The following R3HDM1 variants were observed in gnomAD, a reference collection of about 807,000 sequenced individuals.
The protein encoded by R3HDM1 is R3H domain-containing protein 1.
R3HDM1 carries 46 observed loss-of-function variants against 141.1 expected under a neutral mutation model. The ratio of observed to expected loss-of-function variants is 0.33; its 90% CI spans 0.26 to 0.42. R3HDM1 has a LOEUF of 0.42. Ranked by LOEUF, R3HDM1 falls within the 10% of genes least tolerant of loss-of-function variation. The probability of loss-of-function intolerance (pLI) is 1.00; values close to 1 mark genes in which losing one functional copy is unlikely to be tolerated. For synonymous variants in R3HDM1, 435 were observed against 472.9 expected (o/e 0.92, Z 1.04); for missense variants, 1,184 against 1,368.3 (o/e 0.87, Z 2.12).
intron 6 of R3HDM1, chr2:135,622,288 A>C: frequency 1.0e-6 from 1 of 984,478 alleles, no homozygotes; most frequent in Non-Finnish European, 1.2e-6. Flanking sequence ...TTTGCTACAA[A>C]TGTAGTTAAT....
At chr2:135,645,659 A>G in intron 16 of R3HDM1, 132 bp downstream of exon 16, 1 of 1,054,090 alleles carries the variant, frequency 9.5e-7, no homozygotes, top group Non-Finnish European at 1.4e-6. Context: ...GTGATATTCC[A>G]CTCACTACTC....
At chr2:135,598,013 C>A (rs566498010) in intron 1 of R3HDM1, among the ~76,000 whole-genome samples, 13 of 152,212 alleles carry the variant, frequency 8.5e-5, no homozygotes, top group Middle Eastern at 3.4e-3. Context: ...GTTGTTAATA[C>A]TTCTAACTAA....
intron 21 of R3HDM1, among the ~76,000 whole-genome samples, chr2:135,707,749 C>T (rs2075123184): frequency 6.6e-6 from 1 of 152,200 alleles, no homozygotes. Flanking sequence ...GGCACATTTA[C>T]AGACTTAAGC....
intron 1 of R3HDM1, among the ~76,000 whole-genome samples, chr2:135,548,626 T>G: frequency 6.6e-6 from 1 of 150,958 alleles, no homozygotes; most frequent in Non-Finnish European, 1.5e-5. Flanking sequence ...TTTCCGATTC[T>G]TTTCCATCAT....
intron 21 of R3HDM1, among the ~76,000 whole-genome samples, chr2:135,683,477 C>G (rs2070703635): frequency 6.7e-6 from 1 of 149,384 alleles, no homozygotes; most frequent in Admixed American, 6.8e-5. Context: ...TCGCTTGAAC[C>G]TGGGAGGTTG....
chr2:135,678,155 G>T (rs973838493), intron 20 of R3HDM1, among the ~76,000 whole-genome samples: 20 of 151,902 alleles, frequency 1.3e-4, no homozygotes, highest in Non-Finnish European at 2.4e-4. Context: ...AGTAGAGACG[G>T]TGTTTCACCA....
At chr2:135,673,251 G>A (rs2068670805) in intron 19 of R3HDM1, among the ~76,000 whole-genome samples, 2 of 152,150 alleles carry the variant, frequency 1.3e-5, no homozygotes, top group Admixed American at 1.3e-4. Context: ...GAGCTCGAGG[G>A]TACAGTGAAA....
At chr2:135,640,816 C>T (rs1574607312) in intron 14 of R3HDM1, among the ~76,000 whole-genome samples, 1 of 152,208 alleles carries the variant, frequency 6.6e-6, no homozygotes, top group East Asian at 1.9e-4. Context: ...GTGACATTTT[C>T]AGTCCCTGTA....
chr2:135,699,629 G>A (rs984650756), intron 21 of R3HDM1, among the ~76,000 whole-genome samples: 1 of 152,186 alleles, frequency 6.6e-6, no homozygotes, highest in African/African-American at 2.4e-5. Flanking sequence ...TATCAGAGTA[G>A]AAGAATGTTC....
intron 2 of R3HDM1, among the ~76,000 whole-genome samples, chr2:135,603,814 C>T (rs141320535): frequency 0.024 from 3,606 of 152,282 alleles, 76 homozygotes; most frequent in Middle Eastern, 0.17. Flanking sequence ...GTCACGTTGC[C>T]CAGGCTTGTT....
intron 5 of R3HDM1, among the ~76,000 whole-genome samples, 190 bp from the exon 6 acceptor site, chr2:135,621,304 T>C (rs1396344324): frequency 6.6e-6 from 1 of 152,062 alleles, no homozygotes; most frequent in Non-Finnish European, 1.5e-5. Context: ...ACGTTAGTTT[T>C]ACATTTTATA....
At chr2:135,717,241 C>T (rs141896003) in intron 24 of R3HDM1, among the ~76,000 whole-genome samples, 114 of 152,072 alleles carry the variant, frequency 7.5e-4, no homozygotes, top group African/African-American at 2.6e-3. Flanking sequence ...CTCAGCACTT[C>T]GGGAGGCTGA....
chr2:135,678,445 T>C (rs2069597354), intron 20 of R3HDM1, among the ~76,000 whole-genome samples: 1 of 151,896 alleles, frequency 6.6e-6, no homozygotes, highest in South Asian at 2.1e-4. Context: ...ATCTATAAAA[T>C]AGATGATAAA....
chr2:135,659,187 T>G (rs1210520431), intron 18 of R3HDM1, among the ~76,000 whole-genome samples: 1 of 151,784 alleles, frequency 6.6e-6, no homozygotes, highest in Non-Finnish European at 1.5e-5. Flanking sequence ...AGCCTCGACC[T>G]CCCAGATTCA....
chr2:135,534,853 T>C (rs1014770023), intron 1 of R3HDM1, among the ~76,000 whole-genome samples: 4 of 152,216 alleles, frequency 2.6e-5, no homozygotes, highest in African/African-American at 9.6e-5. Flanking sequence ...ACTGGTACTT[T>C]AATATACCTA....
intron 21 of R3HDM1, among the ~76,000 whole-genome samples, chr2:135,697,106 C>G (rs2073358253): frequency 6.6e-6 from 1 of 152,128 alleles, no homozygotes; most frequent in South Asian, 2.1e-4. Flanking sequence ...GTTGCACCAG[C>G]CTGACCAACA....
At chr2:135,671,221 G>C (rs1162721403) in intron 19 of R3HDM1, among the ~76,000 whole-genome samples, 1 of 151,342 alleles carries the variant, frequency 6.6e-6, no homozygotes, top group Non-Finnish European at 1.5e-5. Context: ...TTTAGCTGCT[G>C]TACAGTTTTC....
chr2:135,555,604 CTG>C (rs1700600062), intron 1 of R3HDM1, among the ~76,000 whole-genome samples: 1 of 152,196 alleles, frequency 6.6e-6, no homozygotes. Flanking sequence ...CCAAACAAAA[CTG>C]TACACCAACG....
intron 19 of R3HDM1, chr2:135,670,367 A>G (rs2068158245): frequency 2.9e-5 from 28 of 979,426 alleles, no homozygotes; most frequent in Middle Eastern, 1.1e-3. Flanking sequence ...TACTCAACAC[A>G]TGCCTTCATC....
Sources: allele counts gnomAD v4.1 joint callset (sites outside exome capture counted in the v4.1 genomes callset), GRCh38; gene constraint gnomAD v4.1.1; transcripts MANE v1.5; gene names NCBI Gene and HGNC (gene_info 2026-07-23, HGNC 2026-07-21).